The following CPED1 variants were observed in gnomAD, a reference collection of about 807,000 sequenced individuals.
CPED1 encodes cadherin like and PC-esterase domain containing 1, also known as cadherin-like and PC-esterase domain-containing protein 1.
Under a neutral mutation model 128.2 loss-of-function variants are expected in CPED1, and 114 were observed. The observed-to-expected ratio is 0.89, with a 90% CI of 0.76 to 1.04. CPED1 has a LOEUF of 1.04. CPED1 is among the 50% of genes least tolerant of loss of function. CPED1 has a pLI of 0.00. For synonymous variants in CPED1, 462 were observed against 426.7 expected (o/e 1.08, Z -1.02); for missense variants, 1,211 against 1,207.1 (o/e 1.00, Z -0.05).
At chr7:121,116,447 T>G (rs1434915950) in intron 7 of CPED1, among the ~76,000 whole-genome samples, 4 of 152,224 alleles carry the variant, frequency 2.6e-5, no homozygotes, top group Non-Finnish European at 5.9e-5. Context: ...TTTTTCTTGA[T>G]CTAGGCAATT....
intron 2 of CPED1, among the ~76,000 whole-genome samples, chr7:120,995,909 TCTTCTC>T (rs141866654): frequency 0.22 from 33,019 of 150,614 alleles, 3,871 homozygotes; most frequent in African/African-American, 0.26. Context: ...CTCTTCTTCT[TCTTCTC>T]CTTCTCCTCC....
intron 5 of CPED1, among the ~76,000 whole-genome samples, chr7:121,084,920 A>G (rs1027069090): frequency 2.0e-5 from 3 of 152,228 alleles, no homozygotes; most frequent in African/African-American, 7.2e-5. Flanking sequence ...TACCAGATCT[A>G]TCTTGCATAA....
At chr7:121,286,872 A>G (rs1792589742) in intron 22 of CPED1, among the ~76,000 whole-genome samples, 2 of 152,188 alleles carry the variant, frequency 1.3e-5, no homozygotes, top group Non-Finnish European at 2.9e-5. Context: ...AATAGGTTTA[A>G]TTGACTCATA....
chr7:121,178,698 G>A (rs1173305150), intron 16 of CPED1, among the ~76,000 whole-genome samples: 1 of 152,088 alleles, frequency 6.6e-6, no homozygotes, highest in Non-Finnish European at 1.5e-5. Context: ...GAACTTAGAT[G>A]ACTGAGGGTG....
At position 121,161,085 on chromosome 7, in the gene CPED1, G is replaced by A. The variant is rs1034249371; in HGVS notation, c.2055+18944G>A. ...CTTCCGTGTTACTTTTTTTATTGCTGTGCAACAAATTACCACAAATGTAGC... is the reference window on the plus strand; with the variant it reads ...CTTCCGTGTTACTTTTTTTATTGCTATGCAACAAATTACCACAAATGTAGC... On this transcript the variant is annotated intron_variant, in intron 16 of 22. Coordinates refer to ENST00000310396, the MANE Select transcript of CPED1 (RefSeq NM_024913.5). 2.0e-5 allele frequency among the ~76,000 whole-genome samples: 3 copies of A among 152,230 alleles called. No individual in the cohort carries two copies. The East Asian group carries it at 5.8e-4, about 29-fold the overall frequency.
intron 8 of CPED1, among the ~76,000 whole-genome samples, chr7:121,124,867 G>T (rs568883538): frequency 7.9e-5 from 12 of 152,238 alleles, no homozygotes; most frequent in Admixed American, 7.2e-4. Flanking sequence ...AGAAAATGAA[G>T]AACTTTATTA....
intron 22 of CPED1, among the ~76,000 whole-genome samples, chr7:121,275,879 T>C: frequency 6.6e-6 from 1 of 151,634 alleles, no homozygotes; most frequent in East Asian, 1.9e-4. Flanking sequence ...ACTTTACAAG[T>C]TTACTATCTA....
intron 5 of CPED1, among the ~76,000 whole-genome samples, chr7:121,073,718 A>T (rs1442512191): frequency 1.3e-5 from 2 of 151,672 alleles, no homozygotes; most frequent in Non-Finnish European, 2.9e-5. Context: ...GAATACTTCA[A>T]GTTATCTTTT....
chr7:121,267,332 T>C (rs1257642257), intron 21 of CPED1, 30 bp downstream of exon 21: 4 of 1,302,754 alleles, frequency 3.1e-6, no homozygotes, highest in East Asian at 2.5e-5. Context: ...GCTAGGTGAA[T>C]TTCATGATTC....
intron 16 of CPED1, among the ~76,000 whole-genome samples, chr7:121,150,209 T>A (rs529253781): frequency 6.6e-6 from 1 of 150,808 alleles, no homozygotes; most frequent in African/African-American, 2.4e-5. Context: ...CCTCCCTCCC[T>A]TTCTCCCCCA....
rs181145684 is a variant in CPED1 at position 120,997,832 on chromosome 7, G to A, written c.249+7962G>A. 2.8e-3 allele frequency among the ~76,000 whole-genome samples: 432 copies of A among 151,914 alleles called. 3 individuals carry two copies. Among genetic ancestry groups the A allele is most frequent in the Non-Finnish European group, 4.2e-3 (286 of 67,980 alleles). Reference sequence around the variant, plus strand: ...AGCTACTCAGTAGACTGAGACAAGAGAATCACTTGAACCCAGGAGGCAGAG... The same window carrying A: ...AGCTACTCAGTAGACTGAGACAAGAAAATCACTTGAACCCAGGAGGCAGAG... On this transcript the variant is annotated intron_variant, in intron 2 of 22. Transcript: ENST00000310396.
Position 121,295,633 on chromosome 7 carries a change from C to T in CPED1, c.3062C>T (p.Ala1021Val). 1 of 1,613,740 alleles carries T rather than the reference C, an allele frequency of 6.2e-7. No homozygotes were observed. The highest frequency in any genetic ancestry group is 8.5e-7 in the Non-Finnish European group (1 of 1,179,742). ...CSEILLSRMC[A>V]NKRTM is the part of the protein sequence containing the mutation. Reference sequence around the variant, plus strand: ...GAAATCCTTCTCAGCAGGATGTGTGCAAATAAAAGGACTATGTAGGCTCCC... The same window carrying T: ...GAAATCCTTCTCAGCAGGATGTGTGTAAATAAAAGGACTATGTAGGCTCCC... Residue 1021 changes from alanine (A) to valine (V), a missense_variant, in exon 23 of 23, where the codon GCA (alanine) becomes GTA (valine). Ala to Val is a moderately conservative substitution (Grantham distance 64, BLOSUM62 0). Coordinates refer to ENST00000310396, the MANE Select transcript of CPED1 (RefSeq NM_024913.5).
chr7:121,198,367 G>A (rs1223026833), intron 16 of CPED1, among the ~76,000 whole-genome samples: 2 of 151,916 alleles, frequency 1.3e-5, no homozygotes, highest in South Asian at 2.1e-4. Context: ...GGTTACATTC[G>A]GTATGGTTTC....
At position 121,266,345 on chromosome 7, in the gene CPED1, A is replaced by G. The variant is rs752329962; in HGVS notation, c.2429A>G (p.Asn810Ser). 1 of 1,613,182 alleles carries G rather than the reference A, an allele frequency of 6.2e-7. No homozygotes were observed. Among genetic ancestry groups the G allele is most frequent in the East Asian group, 2.2e-5 (1 of 44,836 alleles). The change falls in exon 19 of 23, where the codon AAT becomes AGT. Residue 810 changes from asparagine to serine, a missense_variant. Transcript: ENST00000310396. ...VHGTKFYHNV[N>S]GGKTLISYSY... Reference sequence around the variant, plus strand: ...GGCACTAAATTCTATCACAACGTCAATGGTGGGAAGACTTTGATCAGTTAT... The same window carrying G: ...GGCACTAAATTCTATCACAACGTCAGTGGTGGGAAGACTTTGATCAGTTAT...
At chr7:121,126,889 G>C (rs1795516761) in intron 9 of CPED1, among the ~76,000 whole-genome samples, 1 of 151,762 alleles carries the variant, frequency 6.6e-6, no homozygotes, top group African/African-American at 2.4e-5. Flanking sequence ...TTCTTATACT[G>C]TACATTAAAT....
chr7:121,047,647 T>TTCTTCCTCTTCCTCTTCCTCTTCC (rs1793233105), intron 4 of CPED1, among the ~76,000 whole-genome samples: 3 of 1,482 alleles, frequency 2.0e-3, no homozygotes, highest in African/African-American at 2.7e-3. Flanking sequence ...GATAGCACCT[T>TTCTTCCTCTTCCTCTTCCTCTTCC]TCTTCTTCTT....
At chr7:121,026,969 A>G (rs1792606534) in intron 3 of CPED1, among the ~76,000 whole-genome samples, 1 of 148,930 alleles carries the variant, frequency 6.7e-6, no homozygotes, top group Non-Finnish European at 1.5e-5. Flanking sequence ...AGCCAGCACT[A>G]CAGGAGCGTG....
intron 3 of CPED1, among the ~76,000 whole-genome samples, chr7:121,035,565 G>C (rs932729611): frequency 1.3e-5 from 2 of 152,112 alleles, no homozygotes; most frequent in African/African-American, 4.8e-5. Context: ...TGGGCACAGT[G>C]GCTCAGGCCT....
chr7:121,189,775 TATATATATATATATATATATATAA>T lies in CPED1; in HGVS notation c.2056-46937_2056-46914del, dbSNP rs1164678073. ...TTATGAGGTTTTATATATATATATA[TATATATATATATATATATATATAA>T]AATTTGTATTTATTGCCTATTTTAT... is the stretch of plus-strand genomic sequence containing the variant. On this transcript the variant is annotated intron_variant, in intron 16 of 22. Coordinates refer to ENST00000310396, the MANE Select transcript of CPED1 (RefSeq NM_024913.5). Among the ~76,000 whole-genome samples the T allele has an allele frequency of 1.1e-4, 8 of 74,180 alleles. No homozygotes were observed. In the South Asian group the frequency reaches 2.0e-3, roughly 19 times the overall value. 48.7% of individuals were successfully genotyped at this position (74,180 alleles called of 152,430 possible).
Sources: allele counts gnomAD v4.1 joint callset (sites outside exome capture counted in the v4.1 genomes callset), GRCh38; gene constraint gnomAD v4.1.1; transcripts MANE v1.5; gene names NCBI Gene and HGNC (gene_info 2026-07-23, HGNC 2026-07-21).